Variants in FRMD5 observed in about 807,000 individuals in gnomAD.
The protein encoded by FRMD5 is FERM domain-containing protein 5.
A neutral mutation model predicts 69.0 loss-of-function variants in FRMD5; 20 were observed. The observed-to-expected ratio is 0.29, with a 90% confidence interval of 0.20 to 0.42. The LOEUF is 0.42. FRMD5 is among the 10% of genes least tolerant of loss of function. The pLI is 1.00. For missense variants in FRMD5, 595 were observed against 708.6 expected, an observed-to-expected ratio of 0.84 and a Z score of 1.82; for synonymous variants, 271 against 260.1, an observed-to-expected ratio of 1.04 and a Z score of -0.40.
chr15:44,120,719 G>T (rs1203810766), intron 1 of FRMD5, among the ~76,000 whole-genome samples: 1 of 150,596 alleles, frequency 6.6e-6, no homozygotes, highest in Admixed American at 6.6e-5. Flanking sequence ...TAATAGAGAC[G>T]GGGTTTCACC....
intron 11 of FRMD5, 76 bp downstream of exon 11, chr15:43,885,605 A>G (rs1470072453): frequency 8.0e-7 from 1 of 1,246,900 alleles, no homozygotes; most frequent in African/African-American, 1.5e-5. Flanking sequence ...TCTGTTCTAA[A>G]GGATAAGGAC....
intron 1 of FRMD5, among the ~76,000 whole-genome samples, chr15:44,157,332 A>G (rs1444949520): frequency 9.9e-5 from 15 of 152,188 alleles, no homozygotes; most frequent in Admixed American, 9.2e-4. Flanking sequence ...GCAATATTCT[A>G]TATTTGTAAT....
In FRMD5 at chr15:43,892,071, T is replaced by G; in HGVS notation, c.640-2A>C. The G allele has an allele frequency of 6.2e-7, 1 of 1,613,716 alleles. No individual in the cohort carries two copies. Among genetic ancestry groups the G allele is most frequent in the Non-Finnish European group, 8.5e-7 (1 of 1,179,676 alleles). On this transcript the variant is annotated splice_acceptor_variant, in intron 7 of 13. Transcript: ENST00000417257. LOFTEE classifies it high-confidence loss of function. ...AAATGCAGCATTTCCTGACACGTCC[T>G]GCAACACAGAAAGACTTCTCATCGG...
At chr15:44,014,565 C>T (rs1566899174) in intron 1 of FRMD5, among the ~76,000 whole-genome samples, 1 of 151,986 alleles carries the variant, frequency 6.6e-6, no homozygotes, top group Non-Finnish European at 1.5e-5. Context: ...GGTGAAATCC[C>T]ATCTCTACTA....
rs562690996 is a variant in FRMD5, at chr15:44,130,179, G to A, written c.102+64774C>T. Among the ~76,000 whole-genome samples, 24 of 152,206 alleles carry A rather than the reference G, an allele frequency of 1.6e-4. No homozygotes were observed. In the Middle Eastern group the frequency reaches 0.014, roughly 86 times the overall value. On this transcript the variant is annotated intron_variant, in intron 1 of 13. Coordinates refer to ENST00000417257, the MANE Select transcript of FRMD5 (RefSeq NM_032892.5). ...ATGCTTCAGCAGGTTGCTAACACTC[G>A]TCACCATTATCACATCTATTACCCT...
chr15:44,069,737 A>G (rs1455375589), intron 1 of FRMD5, among the ~76,000 whole-genome samples: 1 of 152,194 alleles, frequency 6.6e-6, no homozygotes, highest in Non-Finnish European at 1.5e-5. Flanking sequence ...CCTGACTGCA[A>G]GCATCATTGT....
At chr15:44,066,040 T>A (rs568516284) in intron 1 of FRMD5, among the ~76,000 whole-genome samples, 1 of 152,274 alleles carries the variant, frequency 6.6e-6, no homozygotes, top group African/African-American at 2.4e-5. Context: ...TTCAGAAAAA[T>A]GAGGTTTTCA....
chr15:44,050,971 T>C, intron 1 of FRMD5, among the ~76,000 whole-genome samples: 1 of 151,760 alleles, frequency 6.6e-6, no homozygotes, highest in Non-Finnish European at 1.5e-5. Context: ...CCTTTTTTTC[T>C]TGAATTTAGA....
chr15:44,030,156 T>C lies in FRMD5; in HGVS notation c.103-105847A>G, dbSNP rs138342728. ...ATTCCTGGCATAACTTTAGGCAGAC[T>C]AAATGGGAATGAACATGTGTGATCA... On this transcript the variant is annotated intron_variant, in intron 1 of 13. Transcript: ENST00000417257. Among the ~76,000 whole-genome samples, 472 of 152,252 alleles carry C rather than the reference T, an allele frequency of 3.1e-3. 3 individuals are homozygous for C. The highest frequency in any genetic ancestry group is 5.4e-3 in the Non-Finnish European group (369 of 68,014).
chr15:44,041,077 C>T (rs1394063313), intron 1 of FRMD5, among the ~76,000 whole-genome samples: 1 of 107,030 alleles, frequency 9.3e-6, no homozygotes, highest in African/African-American at 3.4e-5. Flanking sequence ...GACTTTAAAT[C>T]AACAAAGACC....
chr15:43,951,155 T>C (rs999389561), intron 1 of FRMD5, among the ~76,000 whole-genome samples: 1 of 152,034 alleles, frequency 6.6e-6, no homozygotes, highest in African/African-American at 2.4e-5. Flanking sequence ...GCGTGGTGGC[T>C]CACACCTATA....
rs149917735 is a variant in FRMD5, at chr15:43,926,258, G to T, written c.103-1949C>A. Among the ~76,000 whole-genome samples the T allele has an allele frequency of 6.3e-3, 957 of 152,344 alleles. 3 individuals carry two copies. The highest frequency in any genetic ancestry group is 0.012 in the South Asian group (57 of 4,828). On this transcript the variant is annotated intron_variant, in intron 1 of 13. Coordinates refer to ENST00000417257, the MANE Select transcript of FRMD5 (RefSeq NM_032892.5). ...GCAGGAACCTGTCAAAACATCTGGA[G>T]CCTGCACAGCATCCATCGCTGGCCT...
chr15:44,134,361 G>C (rs1178780607), intron 1 of FRMD5, among the ~76,000 whole-genome samples: 1 of 152,198 alleles, frequency 6.6e-6, no homozygotes, highest in Admixed American at 6.5e-5. Context: ...AATATTAACA[G>C]CGCTTCTTAG....
intron 1 of FRMD5, among the ~76,000 whole-genome samples, chr15:44,119,155 C>T (rs1296954316): frequency 2.6e-5 from 4 of 152,006 alleles, no homozygotes; most frequent in African/African-American, 9.7e-5. Flanking sequence ...CAGGGTCTTA[C>T]CATGCTGCCC....
intron 1 of FRMD5, among the ~76,000 whole-genome samples, chr15:44,084,289 C>T (rs568200719): frequency 5.4e-4 from 82 of 152,110 alleles, no homozygotes; most frequent in African/African-American, 2.0e-3. Flanking sequence ...CCTTTGTTTT[C>T]TCTAGCCTTC....
Position 43,900,482 on chromosome 15 carries a change from G to A in FRMD5, c.639+1693C>T, listed in dbSNP as rs183371525. On this transcript the variant is annotated intron_variant, in intron 7 of 13. Coordinates refer to ENST00000417257, the MANE Select transcript of FRMD5 (RefSeq NM_032892.5). ...TAGTGGATAGGGAACTGTGGGGTAG[G>A]GAAGATGACCAGGGTTTCTGAATAT... Among the ~76,000 whole-genome samples the A allele has an allele frequency of 9.5e-4, 144 of 152,256 alleles. 1 individual carries two copies. The highest frequency in any genetic ancestry group is 3.5e-3 in the Admixed American group (53 of 15,284).
At chr15:43,882,441 C>T (rs2088555966) in intron 13 of FRMD5, among the ~76,000 whole-genome samples, 1 of 152,140 alleles carries the variant, frequency 6.6e-6, no homozygotes, top group Non-Finnish European at 1.5e-5. Context: ...TCACTGCAAC[C>T]TCCGCCTCCT....
At chr15:44,031,536 T>C (rs1201141479) in intron 1 of FRMD5, among the ~76,000 whole-genome samples, 7 of 152,112 alleles carry the variant, frequency 4.6e-5, no homozygotes, top group East Asian at 1.9e-4. Context: ...GGGAGAAATC[T>C]GGTATCTTCA....
chr15:43,987,964 A>G (rs1889476712), intron 1 of FRMD5, among the ~76,000 whole-genome samples: 1 of 152,202 alleles, frequency 6.6e-6, no homozygotes, highest in Non-Finnish European at 1.5e-5. Context: ...TCTGGGGGTC[A>G]TGGGAGACAG....
Sources: gnomAD v4.1 joint callset for allele counts (sites outside exome capture counted in the v4.1 genomes callset) on GRCh38, gnomAD v4.1.1 for gene constraint, MANE v1.5 for transcripts, NCBI Gene and HGNC (gene_info 2026-07-23, HGNC 2026-07-21) for gene names.